Variants in AKAP13 observed in about 807,000 individuals in gnomAD.
The protein encoded by AKAP13 is A-kinase anchoring protein 13.
Under a neutral mutation model 264.5 loss-of-function variants are expected in AKAP13, and 80 were observed. The observed-to-expected ratio is 0.30, with a 90% CI of 0.25 to 0.36. The LOEUF (loss-of-function observed/expected upper bound fraction) is 0.36, where lower values mean the gene tolerates loss of function less well. Ranked by LOEUF, AKAP13 falls within the 10% of genes least tolerant of loss-of-function variation. The probability of loss-of-function intolerance (pLI) is 1.00; values close to 1 mark genes in which losing one functional copy is unlikely to be tolerated. For synonymous variants in AKAP13, 1,380 were observed against 1,250.2 expected (o/e 1.10, Z -2.19); for missense variants, 3,712 against 3,435.2 (o/e 1.08, Z -2.01).
At chr15:85,645,768 T>A in intron 9 of AKAP13, 50 bp from the exon 10 acceptor site, 1 of 1,467,866 alleles carries the variant, frequency 6.8e-7, no homozygotes, top group Middle Eastern at 2.0e-4. Flanking sequence ...TGTTTTTTGG[T>A]TTTTTTGTTT....
chr15:85,667,039 T>A (rs949509422), intron 13 of AKAP13, among the ~76,000 whole-genome samples: 14 of 151,496 alleles, frequency 9.2e-5, no homozygotes, highest in African/African-American at 1.5e-4. Flanking sequence ...ACTTACAATT[T>A]AAAAAAAAAC....
intron 1 of AKAP13, among the ~76,000 whole-genome samples, chr15:85,461,409 C>T (rs1285388359): frequency 1.3e-5 from 2 of 152,222 alleles, no homozygotes; most frequent in African/African-American, 4.8e-5. Flanking sequence ...AGCCACTGCG[C>T]CCGGCCCGTT....
chr15:85,387,252 C>T (rs1002838473), intron 1 of AKAP13, among the ~76,000 whole-genome samples: 25 of 152,096 alleles, frequency 1.6e-4, no homozygotes, highest in African/African-American at 5.5e-4. Context: ...AGGAGAATTG[C>T]TTTAGCCCGG....
chr15:85,500,401 A>G (rs910555964), intron 2 of AKAP13, among the ~76,000 whole-genome samples: 5 of 152,176 alleles, frequency 3.3e-5, no homozygotes, highest in Non-Finnish European at 7.3e-5. Flanking sequence ...TTTATATTTT[A>G]AAGTTCTAGT....
intron 2 of AKAP13, among the ~76,000 whole-genome samples, chr15:85,494,442 G>A (rs139836661): frequency 6.6e-6 from 1 of 152,292 alleles, no homozygotes; most frequent in East Asian, 1.9e-4. Context: ...TAGCTGTCAA[G>A]AATTAGGCGA....
At position 85,658,544 on chromosome 15, in the gene AKAP13, C is replaced by T. The variant is rs373971207; in HGVS notation, c.4753C>T (p.Arg1585Ter). 8 of 1,613,552 alleles carry T rather than the reference C, an allele frequency of 5.0e-6. No individual in the cohort carries two copies. In the African/African-American group the frequency reaches 6.7e-5, roughly 13 times the overall value. Residue 1585 changes from arginine (R) to a stop codon, truncating the protein, a stop_gained, in exon 12 of 37, where the codon CGA becomes TGA. Transcript: ENST00000394518. LOFTEE classifies it high-confidence loss of function. ...DAEMNHRSSMRVLGDVVRRPP... is the reference protein window; with the variant it reads ...DAEMNHRSSM ...TTCACCATTCATTTTCAGTTCAATG[C>T]GAGTTCTTGGGGATGTTGTCAGGAG... is the stretch of plus-strand genomic sequence containing the variant.
At chr15:85,473,631 A>G (rs988943615) in intron 1 of AKAP13, among the ~76,000 whole-genome samples, 18 of 152,346 alleles carry the variant, frequency 1.2e-4, no homozygotes, top group African/African-American at 4.1e-4. Context: ...GTTGCTTCAA[A>G]AACCCAGAGA....
At chr15:85,625,694 C>T (rs1287896562) in intron 8 of AKAP13, among the ~76,000 whole-genome samples, 6 of 152,144 alleles carry the variant, frequency 3.9e-5, no homozygotes, top group Admixed American at 1.3e-4. Flanking sequence ...AGACCCCCAT[C>T]GCTTAAAAAA....
chr15:85,434,413 C>T (rs543902336), intron 1 of AKAP13, among the ~76,000 whole-genome samples: 1 of 152,326 alleles, frequency 6.6e-6, no homozygotes, highest in African/African-American at 2.4e-5. Flanking sequence ...CGCCATTGCC[C>T]AGGCTTGATT....
intron 5 of AKAP13, among the ~76,000 whole-genome samples, chr15:85,563,329 G>GTTTTTTT (rs1184437606): frequency 5.7e-4 from 31 of 54,142 alleles, no homozygotes; most frequent in East Asian, 1.7e-3. Context: ...GAATGTGCTT[G>GTTTTTTT]TTTTTTTTTT....
chr15:85,397,599 G>T (rs1156665036), intron 1 of AKAP13, among the ~76,000 whole-genome samples: 4 of 152,152 alleles, frequency 2.6e-5, no homozygotes, highest in Non-Finnish European at 4.4e-5. Flanking sequence ...TGATCTATTG[G>T]TAGCTATTCA....
At chr15:85,402,550 A>G (rs1448751912) in intron 1 of AKAP13, among the ~76,000 whole-genome samples, 1 of 152,256 alleles carries the variant, frequency 6.6e-6, no homozygotes, top group Non-Finnish European at 1.5e-5. Context: ...ATAGTTCTCA[A>G]CTAAGCAATT....
At chr15:85,540,206 G>A (rs954906474) in intron 4 of AKAP13, among the ~76,000 whole-genome samples, 21 of 151,902 alleles carry the variant, frequency 1.4e-4, no homozygotes, top group African/African-American at 5.1e-4. Context: ...AGGAAGGGAA[G>A]ATCGTGGGCA....
chr15:85,579,908 G>A lies in AKAP13; in HGVS notation c.1840G>A (p.Ala614Thr). Residue 614 changes from alanine (A) to threonine (T), a missense_variant, in exon 7 of 37, where the codon GCA becomes ACA. Coordinates refer to ENST00000394518, the MANE Select transcript of AKAP13 (RefSeq NM_007200.5). ...YTLLAAGIGEAMSPSDLALLG... is the reference protein window; with the variant it reads ...YTLLAAGIGETMSPSDLALLG... ...TCTCTTAGCAGCAGGCATAGGTGAG[G>A]CAATGTCACCCTCAGATTTAGCCCT... is the stretch of plus-strand genomic sequence containing the variant. The A allele has an allele frequency of 6.2e-7, 1 of 1,614,192 alleles. No homozygotes were observed. Among genetic ancestry groups the A allele is most frequent in the Non-Finnish European group, 8.5e-7 (1 of 1,180,040 alleles).
Position 85,631,502 on chromosome 15 carries a change from TCACACACA to T in AKAP13, c.4162-7828_4162-7821del, listed in dbSNP as rs55928032. Among the ~76,000 whole-genome samples the T allele has an allele frequency of 4.3e-3, 602 of 140,802 alleles. 1 individual carries two copies. Among genetic ancestry groups the T allele is most frequent in the East Asian group, 0.01 (49 of 4,852 alleles). The allele number at this position is 140,802 out of a possible 152,430, so 92.4% of individuals were successfully genotyped here. A position where few individuals can be genotyped will look rare whatever the true frequency, so the allele number is the denominator to read the frequency against. On this transcript the variant is annotated intron_variant, in intron 8 of 36. Transcript: ENST00000394518. ...CACACTTTCTCTCTCTCTCTCTCTC[TCACACACA>T]CACACACACACACACACACACACAC...
Position 85,655,895 on chromosome 15 carries a change from A to T in AKAP13, c.4745+108A>T, listed in dbSNP as rs2083069578. On this transcript the variant is annotated intron_variant, in intron 11 of 36. Coordinates refer to ENST00000394518, the MANE Select transcript of AKAP13 (RefSeq NM_007200.5). ...GAATTTAGGAGACCCCATAGTATAGAAGAAAGAATATAGGCTTTGGAATCA... is the reference window on the plus strand; with the variant it reads ...GAATTTAGGAGACCCCATAGTATAGTAGAAAGAATATAGGCTTTGGAATCA... The T allele has an allele frequency of 3.4e-6, 5 of 1,456,242 alleles. No individual in the cohort carries two copies. In the East Asian group the frequency reaches 9.2e-5, roughly 27 times the overall value. The allele number at this position is 1,456,242 out of a possible 1,614,324, so 90.2% of individuals were successfully genotyped here. A position where few individuals can be genotyped will look rare whatever the true frequency, so the allele number is the denominator to read the frequency against.
intron 1 of AKAP13, among the ~76,000 whole-genome samples, chr15:85,450,329 G>A (rs1348477776): frequency 4.7e-5 from 7 of 150,192 alleles, no homozygotes; most frequent in South Asian, 2.1e-4. Context: ...TTAGTTTAGC[G>A]ATCTTTTGAA....
chr15:85,708,356 T>G lies in AKAP13; in HGVS notation c.5532+270T>G, dbSNP rs1333519288. 6.6e-6 allele frequency among the ~76,000 whole-genome samples: 1 copy of G among 152,220 alleles called. No individual in the cohort carries two copies. The highest frequency in any genetic ancestry group is 2.4e-5 in the African/African-American group (1 of 41,452). ...TACATTTCTTCGTGATTTTAATATTTCCGTATTGCTCTTAAAGTGGTTTTC... is the reference window on the plus strand; with the variant it reads ...TACATTTCTTCGTGATTTTAATATTGCCGTATTGCTCTTAAAGTGGTTTTC... On this transcript the variant is annotated intron_variant, in intron 18 of 36. Coordinates refer to ENST00000394518, the MANE Select transcript of AKAP13 (RefSeq NM_007200.5). The surrounding 1 kb of genome is among the most constrained non-coding windows in gnomAD (Gnocchi z 4.3).
chr15:85,609,193 C>T (rs548394781), intron 8 of AKAP13, among the ~76,000 whole-genome samples: 2 of 152,284 alleles, frequency 1.3e-5, no homozygotes, highest in African/African-American at 4.8e-5. Context: ...TATAGTCACC[C>T]TTCGGTGTGA....
Sources: allele counts gnomAD v4.1 joint callset (sites outside exome capture counted in the v4.1 genomes callset), GRCh38; gene constraint gnomAD v4.1.1; non-coding constraint Gnocchi (gnomAD v3.1); transcripts MANE v1.5; gene names NCBI Gene and HGNC (gene_info 2026-07-23, HGNC 2026-07-21).